PAFAH1B1: variants seen among roughly 807,000 people sequenced by gnomAD.
PAFAH1B1 encodes platelet activating factor acetylhydrolase 1b regulatory subunit 1.
Under a neutral mutation model 57.5 loss-of-function variants are expected in PAFAH1B1, and 2 were observed. The ratio of observed to expected loss-of-function variants is 0.03; its 90% CI spans 0.01 to 0.11. The LOEUF (loss-of-function observed/expected upper bound fraction) is 0.11, where lower values mean the gene tolerates loss of function less well. Among genes scored for constraint, PAFAH1B1 ranks in the 10% least tolerant of loss-of-function variants. The probability of loss-of-function intolerance (pLI) is 1.00; values close to 1 mark genes in which losing one functional copy is unlikely to be tolerated. For synonymous variants in PAFAH1B1, 152 were observed against 169.6 expected, an observed-to-expected ratio of 0.90 and a Z score of 0.81; for missense variants, 257 against 512.0, an observed-to-expected ratio of 0.50 and a Z score of 4.81.
intron 9 of PAFAH1B1, 181 bp from the exon 10 acceptor site, chr17:2,679,983 C>T (rs185478019): frequency 6.8e-4 from 428 of 629,232 alleles, no homozygotes; most frequent in Non-Finnish European, 1.0e-3. Context: ...AGGGATCGTA[C>T]GTTATATTCA....
rs1165933706 is a variant in PAFAH1B1 at position 2,593,928 on chromosome 17, C to T, written c.-269C>T. On this transcript the variant is annotated 5_prime_UTR_variant, in exon 1 of 11. Coordinates refer to ENST00000397195, the MANE Select transcript of PAFAH1B1 (RefSeq NM_000430.4). ...CCTCCCTCCCTCCTTCCTCCCTCCC[C>T]TCTCCCTCCCCCTCCCCCGCCGGTG... is the stretch of plus-strand genomic sequence containing the variant. The T allele has an allele frequency of 5.1e-6, 2 of 392,042 alleles. No homozygotes were observed. The highest frequency in any genetic ancestry group is 7.2e-5 in the East Asian group (2 of 27,624). 24.3% of individuals were successfully genotyped at this position (392,042 alleles called of 1,614,324 possible). A position where few individuals can be genotyped will look rare whatever the true frequency, so the allele number is the denominator to read the frequency against.
chr17:2,650,266 CT>C (rs1416114635), intron 2 of PAFAH1B1, among the ~76,000 whole-genome samples: 2 of 152,122 alleles, frequency 1.3e-5, no homozygotes, highest in East Asian at 3.9e-4. Flanking sequence ...AATCCCAACA[CT>C]TTGGGAGGCC....
rs2069152350 is a variant in PAFAH1B1 at position 2,669,543 on chromosome 17, G to C, written c.400-620G>C. 1.3e-5 allele frequency among the ~76,000 whole-genome samples: 2 copies of C among 152,192 alleles called. 1 individual carries two copies. Among genetic ancestry groups the C allele is most frequent in the Admixed American group, 1.3e-4 (2 of 15,282 alleles). On this transcript the variant is annotated intron_variant, in intron 5 of 10. Transcript: ENST00000397195. ...CTAAGTGCTGGGATTACAGGCGTGAGCCACTGCGCCCGGCCATATTTCATT... is the reference window on the plus strand; with the variant it reads ...CTAAGTGCTGGGATTACAGGCGTGACCCACTGCGCCCGGCCATATTTCATT...
intron 2 of PAFAH1B1, among the ~76,000 whole-genome samples, chr17:2,645,967 A>G (rs939372816): frequency 2.0e-5 from 3 of 152,094 alleles, no homozygotes; most frequent in African/African-American, 7.2e-5. Context: ...GGAGCTGAAG[A>G]CATCAGTAAT....
intron 2 of PAFAH1B1, among the ~76,000 whole-genome samples, chr17:2,644,389 A>G (rs751945204): frequency 1.3e-5 from 2 of 152,028 alleles, no homozygotes; most frequent in Admixed American, 1.3e-4. Context: ...TAAAAATACA[A>G]AAAATGAGCC....
intron 3 of PAFAH1B1, among the ~76,000 whole-genome samples, 189 bp from the exon 4 acceptor site, chr17:2,665,827 C>G (rs2069099722): frequency 6.6e-6 from 1 of 152,100 alleles, no homozygotes; most frequent in Non-Finnish European, 1.5e-5. Context: ...GTCTCAAACT[C>G]CAGACCTCAG....
chr17:2,664,008 C>A (rs1285672605), intron 2 of PAFAH1B1, among the ~76,000 whole-genome samples: 6 of 151,678 alleles, frequency 4.0e-5, no homozygotes, highest in Non-Finnish European at 8.8e-5. Context: ...TCTTGAACTT[C>A]TGACCTTGTG....
intron 1 of PAFAH1B1, among the ~76,000 whole-genome samples, chr17:2,612,210 C>CTTTT (rs529559637): frequency 7.7e-6 from 1 of 130,588 alleles, no homozygotes; most frequent in Admixed American, 7.6e-5. Context: ...GAAAATGGCA[C>CTTTT]TTTTTTTTTT....
rs572401489 is a variant in PAFAH1B1 at position 2,676,884 on chromosome 17, C to T, written c.1002+278C>T. On this transcript the variant is annotated intron_variant, in intron 9 of 10. Coordinates refer to ENST00000397195, the MANE Select transcript of PAFAH1B1 (RefSeq NM_000430.4). Reference sequence around the variant, plus strand: ...TTTAAAAATTGTGTAATATCTCGGCCGGGCGCGGTGGCTTACGCCTGTAAT... The same window carrying T: ...TTTAAAAATTGTGTAATATCTCGGCTGGGCGCGGTGGCTTACGCCTGTAAT... Among the ~76,000 whole-genome samples the T allele has an allele frequency of 6.2e-4, 95 of 152,054 alleles. No homozygotes were observed. The Middle Eastern group carries it at 0.01, about 16-fold the overall frequency.
chr17:2,669,265 ATTT>A (rs563171022), intron 5 of PAFAH1B1, among the ~76,000 whole-genome samples: 1 of 142,604 alleles, frequency 7.0e-6, no homozygotes. Context: ...AGCAATTAGA[ATTT>A]TTTTTTTTTT....
At chr17:2,599,367 A>C (rs2068115411) in intron 1 of PAFAH1B1, among the ~76,000 whole-genome samples, 1 of 152,152 alleles carries the variant, frequency 6.6e-6, no homozygotes, top group African/African-American at 2.4e-5. Flanking sequence ...TGGACTCCTT[A>C]ATCTTTGTTA....
At position 2,674,180 on chromosome 17, in the gene PAFAH1B1, A is replaced by G; in HGVS notation, c.792A>G (p.Ala264=). ...NDQTVRVWVV[A]TKECKAELRE... is the part of the protein sequence containing the mutation. ...AGACTGTGCGTGTATGGGTCGTAGCAACAAAGGAATGCAAGGCTGAGCTCC... is the reference window on the plus strand; with the variant it reads ...AGACTGTGCGTGTATGGGTCGTAGCGACAAAGGAATGCAAGGCTGAGCTCC... Residue 264 remains alanine, a synonymous_variant, in exon 8 of 11, where the codon GCA becomes GCG. Transcript: ENST00000397195. 1 of 1,614,152 alleles carries G rather than the reference A, an allele frequency of 6.2e-7. No homozygotes were observed.
chr17:2,619,785 A>G (rs2068394671), intron 1 of PAFAH1B1, among the ~76,000 whole-genome samples: 2 of 152,040 alleles, frequency 1.3e-5, no homozygotes, highest in African/African-American at 4.8e-5. Flanking sequence ...GTGAACATCA[A>G]ACTTTTCTTT....
chr17:2,677,042 A>C (rs1047269445), intron 9 of PAFAH1B1, among the ~76,000 whole-genome samples: 13 of 152,154 alleles, frequency 8.5e-5, no homozygotes, highest in Non-Finnish European at 1.3e-4. Context: ...AGTCCCAGCT[A>C]CTCGGGAGGC....
chr17:2,600,947 A>T (rs1159095515), intron 1 of PAFAH1B1, among the ~76,000 whole-genome samples: 2 of 151,730 alleles, frequency 1.3e-5, no homozygotes, highest in East Asian at 3.9e-4. Flanking sequence ...GGCCAGGCTG[A>T]TCTCGAACTC....
chr17:2,600,353 G>C (rs1165342242), intron 1 of PAFAH1B1, among the ~76,000 whole-genome samples: 1 of 151,856 alleles, frequency 6.6e-6, no homozygotes, highest in Non-Finnish European at 1.5e-5. Flanking sequence ...GCGGGCAGAA[G>C]GTGATCAGGA....
intron 1 of PAFAH1B1, among the ~76,000 whole-genome samples, chr17:2,612,385 T>C (rs1246382518): frequency 1.3e-5 from 2 of 151,498 alleles, no homozygotes; most frequent in African/African-American, 4.9e-5. Context: ...TTGTATTTTT[T>C]TTAGTAGAGA....
At chr17:2,601,120 A>G (rs901890422) in intron 1 of PAFAH1B1, among the ~76,000 whole-genome samples, 1 of 152,034 alleles carries the variant, frequency 6.6e-6, no homozygotes, top group Non-Finnish European at 1.5e-5. Context: ...TCATACATGA[A>G]TATTTATTTA....
At chr17:2,603,348 C>T (rs1406522841) in intron 1 of PAFAH1B1, among the ~76,000 whole-genome samples, 4 of 152,112 alleles carry the variant, frequency 2.6e-5, no homozygotes, top group South Asian at 2.1e-4. Flanking sequence ...AGGCCAGGCG[C>T]GGTGGCTCAC....
Sources: allele counts gnomAD v4.1 joint callset (sites outside exome capture counted in the v4.1 genomes callset), GRCh38; gene constraint gnomAD v4.1.1; transcripts MANE v1.5; gene names NCBI Gene and HGNC (gene_info 2026-07-23, HGNC 2026-07-21).